Variants in NCAM2 observed in about 807,000 individuals in gnomAD.
The protein encoded by NCAM2 is N-CAM-2.
Under a neutral mutation model 98.1 loss-of-function variants are expected in NCAM2, and 30 were observed. The ratio of observed to expected loss-of-function variants is 0.31; its 90% CI spans 0.23 to 0.41. The LOEUF (loss-of-function observed/expected upper bound fraction) is 0.41, where lower values mean the gene tolerates loss of function less well. Ranked by LOEUF, NCAM2 falls within the 10% of genes least tolerant of loss-of-function variation. NCAM2 has a pLI of 1.00. For synonymous variants in NCAM2, 368 were observed against 342.4 expected, an observed-to-expected ratio of 1.07 and a Z score of -0.83; for missense variants, 867 against 1,005.8, an observed-to-expected ratio of 0.86 and a Z score of 1.87.
At chr21:21,070,700 C>T (rs954562614) in intron 1 of NCAM2, among the ~76,000 whole-genome samples, 4 of 151,970 alleles carry the variant, frequency 2.6e-5, no homozygotes, top group Non-Finnish European at 5.9e-5. Flanking sequence ...TGTAGAGTTG[C>T]TGGGTGAGCA....
intron 9 of NCAM2, among the ~76,000 whole-genome samples, chr21:21,379,785 T>C (rs73322801): frequency 0.021 from 3,222 of 152,088 alleles, 99 homozygotes; most frequent in African/African-American, 0.074. Context: ...CTCATCAGGA[T>C]TCCTTAGAGG....
At chr21:21,060,083 C>T (rs1203243319) in intron 1 of NCAM2, among the ~76,000 whole-genome samples, 3 of 152,076 alleles carry the variant, frequency 2.0e-5, no homozygotes, top group South Asian at 2.1e-4. Flanking sequence ...GTGAGGATTG[C>T]GTTTGTACAT....
chr21:21,296,611 T>C (rs1396554503), intron 5 of NCAM2, among the ~76,000 whole-genome samples: 1 of 151,596 alleles, frequency 6.6e-6, no homozygotes, highest in African/African-American at 2.4e-5. Flanking sequence ...AGAGCTGCCA[T>C]TGAGAAGCAA....
intron 15 of NCAM2, among the ~76,000 whole-genome samples, chr21:21,478,122 C>T (rs1007501071): frequency 6.6e-6 from 1 of 152,088 alleles, no homozygotes; most frequent in East Asian, 1.9e-4. Flanking sequence ...GATGTTAAAA[C>T]TTTTATTCAG....
chr21:21,437,237 T>G (rs1162595487), intron 12 of NCAM2, among the ~76,000 whole-genome samples: 1 of 152,090 alleles, frequency 6.6e-6, no homozygotes, highest in Non-Finnish European at 1.5e-5. Context: ...ATTGTTGTTT[T>G]TAAGGTACAC....
chr21:21,430,917 G>A (rs566551415), intron 11 of NCAM2, among the ~76,000 whole-genome samples: 6 of 151,664 alleles, frequency 4.0e-5, no homozygotes, highest in Admixed American at 1.3e-4. Context: ...GTGGTGGTGC[G>A]CACCTGTAGT....
intron 8 of NCAM2, among the ~76,000 whole-genome samples, chr21:21,349,336 G>A (rs1363679391): frequency 6.6e-6 from 1 of 152,096 alleles, no homozygotes. Context: ...GGTGCTCAAT[G>A]TCATGGATCA....
At chr21:21,311,300 T>C (rs1270033969) in intron 5 of NCAM2, among the ~76,000 whole-genome samples, 1 of 151,534 alleles carries the variant, frequency 6.6e-6, no homozygotes, top group Admixed American at 6.6e-5. Flanking sequence ...ATAACAAAAA[T>C]GACTTTATGC....
At chr21:21,396,769 C>T (rs921097894) in intron 9 of NCAM2, among the ~76,000 whole-genome samples, 9 of 152,084 alleles carry the variant, frequency 5.9e-5, no homozygotes, top group Admixed American at 2.6e-4. Context: ...CAGTGGTGCC[C>T]GAAAGCTCAG....
In NCAM2 at chr21:21,052,786, T is replaced by G. The variant is rs142209187; in HGVS notation, c.55+54168T>G. 1.5e-3 allele frequency among the ~76,000 whole-genome samples: 236 copies of G among 152,264 alleles called. 3 individuals are homozygous for G. In the South Asian group the frequency reaches 0.024, roughly 15 times the overall value. On this transcript the variant is annotated intron_variant, in intron 1 of 17. Transcript: ENST00000400546. ...GTTTCTACTATAGTTAAAAAATCAA[T>G]TATTGCGTAGTACCTATTTACTCTC...
chr21:21,071,924 T>TCTATCTACA (rs571694031), intron 1 of NCAM2, among the ~76,000 whole-genome samples: 43 of 144,710 alleles, frequency 3.0e-4, no homozygotes, highest in African/African-American at 1.1e-3. Context: ...TCTATCTATA[T>TCTATCTACA]TTTTTTGAGA....
chr21:21,164,984 G>A (rs1208822039), intron 1 of NCAM2, among the ~76,000 whole-genome samples: 2 of 152,118 alleles, frequency 1.3e-5, no homozygotes, highest in African/African-American at 2.4e-5. Flanking sequence ...TATCTTAAAT[G>A]CACTGTTGTA....
chr21:21,003,135 C>G (rs1275585162), intron 1 of NCAM2, among the ~76,000 whole-genome samples: 2 of 152,038 alleles, frequency 1.3e-5, no homozygotes, highest in Non-Finnish European at 2.9e-5. Context: ...CAACATATTT[C>G]CTAGTTTTCT....
At chr21:21,106,578 AGT>A (rs2066354351) in intron 1 of NCAM2, among the ~76,000 whole-genome samples, 1 of 151,944 alleles carries the variant, frequency 6.6e-6, no homozygotes, top group Admixed American at 6.6e-5. Context: ...TTTTCTTTAT[AGT>A]AATAATTTTA....
intron 12 of NCAM2, among the ~76,000 whole-genome samples, chr21:21,450,386 C>T (rs1172330623): frequency 4.7e-5 from 7 of 149,568 alleles, no homozygotes; most frequent in South Asian, 4.2e-4. Context: ...CTCTATCACC[C>T]AGGCTGGGGT....
rs1302236757 is a variant in NCAM2 at position 21,276,949 on chromosome 21, A to G, written c.56-3629A>G. ...AATAAATTAATTAATTTCATGTTCAATTTTATTTTATTAAAATGAATTAAG... is the reference window on the plus strand; with the variant it reads ...AATAAATTAATTAATTTCATGTTCAGTTTTATTTTATTAAAATGAATTAAG... On this transcript the variant is annotated intron_variant, in intron 1 of 17. Transcript: ENST00000400546. Among the ~76,000 whole-genome samples the G allele has an allele frequency of 4.6e-5, 7 of 152,168 alleles. No homozygotes were observed. The East Asian group carries it at 9.6e-4, about 21-fold the overall frequency.
chr21:21,183,193 T>C (rs558279727), intron 1 of NCAM2, among the ~76,000 whole-genome samples: 6 of 152,272 alleles, frequency 3.9e-5, no homozygotes, highest in African/African-American at 1.4e-4. Context: ...CAGGCGTTTG[T>C]TTATTATTTC....
In NCAM2 at chr21:21,509,638, A is replaced by G. The variant is rs564378079; in HGVS notation, c.2282+583A>G. On this transcript the variant is annotated intron_variant, in intron 16 of 17. Transcript: ENST00000400546. ...AATTTGGAGCTCTCTGTGTAGTTCTATTTAGTTAAGCAGATATAATTTTCA... is the reference window on the plus strand; with the variant it reads ...AATTTGGAGCTCTCTGTGTAGTTCTGTTTAGTTAAGCAGATATAATTTTCA... Among the ~76,000 whole-genome samples, 27 of 152,276 alleles carry G rather than the reference A, an allele frequency of 1.8e-4. No individual in the cohort carries two copies. The East Asian group carries it at 4.6e-3, about 26-fold the overall frequency.
chr21:21,111,093 A>T (rs1381006145), intron 1 of NCAM2, among the ~76,000 whole-genome samples: 1 of 152,202 alleles, frequency 6.6e-6, no homozygotes, highest in Non-Finnish European at 1.5e-5. Flanking sequence ...AGGCAAAAAG[A>T]TTATTCTCCA....
Sources: allele counts gnomAD v4.1 joint callset (sites outside exome capture counted in the v4.1 genomes callset), GRCh38; gene constraint gnomAD v4.1.1; transcripts MANE v1.5; gene names NCBI Gene and HGNC (gene_info 2026-07-23, HGNC 2026-07-21).